KLHL20: variants seen among roughly 807,000 people sequenced by gnomAD.
The protein encoded by KLHL20 is kelch like family member 20.
Under a neutral mutation model 69.5 loss-of-function variants are expected in KLHL20, and 29 were observed. That is an observed-to-expected ratio of 0.42 (90% CI 0.31 to 0.57). The LOEUF (loss-of-function observed/expected upper bound fraction) is 0.57, where lower values mean the gene tolerates loss of function less well. Ranked by LOEUF, KLHL20 falls within the 20% of genes least tolerant of loss-of-function variation. The pLI is 0.18. For synonymous variants in KLHL20, 253 were observed against 265.2 expected (o/e 0.95, Z 0.45); for missense variants, 419 against 776.0 (o/e 0.54, Z 5.47).
chr1:173,784,557 G>A (rs1237804909), intron 11 of KLHL20, among the ~76,000 whole-genome samples: 1 of 152,150 alleles, frequency 6.6e-6, no homozygotes, highest in African/African-American at 2.4e-5. Context: ...AATATTTGCA[G>A]TTACATATCC....
intron 8 of KLHL20, among the ~76,000 whole-genome samples, chr1:173,772,584 T>C (rs928779239): frequency 6.6e-6 from 1 of 152,218 alleles, no homozygotes; most frequent in African/African-American, 2.4e-5. Flanking sequence ...AATATTATTA[T>C]ATTGATTAAC....
chr1:173,760,129 C>T (rs1225535629), intron 7 of KLHL20, among the ~76,000 whole-genome samples: 2 of 151,914 alleles, frequency 1.3e-5, no homozygotes, highest in Admixed American at 1.3e-4. Flanking sequence ...ATTCAGAGCT[C>T]AAAGACAAGG....
At chr1:173,782,865 T>A (rs1202435820) in intron 11 of KLHL20, among the ~76,000 whole-genome samples, 1 of 152,176 alleles carries the variant, frequency 6.6e-6, no homozygotes, top group Non-Finnish European at 1.5e-5. Context: ...TAGGTGACTT[T>A]TGCATTTATT....
chr1:173,735,314 C>T (rs984211237), intron 3 of KLHL20, among the ~76,000 whole-genome samples: 4 of 151,998 alleles, frequency 2.6e-5, no homozygotes, highest in Non-Finnish European at 4.4e-5. Context: ...GGCATGGTGG[C>T]GTGCACCCTT....
intron 7 of KLHL20, among the ~76,000 whole-genome samples, chr1:173,765,246 G>C (rs971278204): frequency 1.3e-5 from 2 of 152,206 alleles, no homozygotes; most frequent in Non-Finnish European, 2.9e-5. Context: ...GCTCATGCCT[G>C]TAATCCCAGC....
At chr1:173,718,183 C>T (rs1571840851) in intron 2 of KLHL20, among the ~76,000 whole-genome samples, 1 of 152,054 alleles carries the variant, frequency 6.6e-6, no homozygotes, top group African/African-American at 2.4e-5. Flanking sequence ...CTGCCTAGGC[C>T]TCCCAAAGTG....
At chr1:173,765,852 G>A (rs924269342) in intron 7 of KLHL20, among the ~76,000 whole-genome samples, 28 of 152,030 alleles carry the variant, frequency 1.8e-4, no homozygotes, top group Admixed American at 1.7e-3. Context: ...TTACTGAAAA[G>A]TCTTGAAGGA....
At chr1:173,732,533 A>G (rs909302321) in intron 2 of KLHL20, among the ~76,000 whole-genome samples, 1 of 152,190 alleles carries the variant, frequency 6.6e-6, no homozygotes, top group Non-Finnish European at 1.5e-5. Context: ...GTGTGTGTAC[A>G]TACACACAAT....
chr1:173,739,756 A>G (rs1401980616), intron 3 of KLHL20, among the ~76,000 whole-genome samples: 1 of 147,058 alleles, frequency 6.8e-6, no homozygotes, highest in Non-Finnish European at 1.5e-5. Flanking sequence ...GGTTCAAGCA[A>G]TTGTTCTGCC....
At chr1:173,755,771 G>A in intron 5 of KLHL20, 152 bp from the exon 6 acceptor site, 1 of 576,634 alleles carries the variant, frequency 1.7e-6, no homozygotes. Flanking sequence ...TTGGTTTCAT[G>A]TTTGTGCCAA....
intron 3 of KLHL20, among the ~76,000 whole-genome samples, chr1:173,737,186 C>T (rs1571873037): frequency 6.6e-6 from 1 of 152,200 alleles, no homozygotes; most frequent in Non-Finnish European, 1.5e-5. Flanking sequence ...TGTCTATTTA[C>T]TCTGCTGATT....
intron 2 of KLHL20, among the ~76,000 whole-genome samples, chr1:173,727,885 A>C (rs139392152): frequency 6.6e-6 from 1 of 152,180 alleles, no homozygotes; most frequent in Admixed American, 6.5e-5. Context: ...GACAGGATCA[A>C]ATCCACACAT....
intron 4 of KLHL20, 86 bp from the exon 5 acceptor site, chr1:173,753,127 C>A: frequency 9.4e-7 from 1 of 1,062,916 alleles, no homozygotes; most frequent in South Asian, 1.4e-5. Context: ...GACCTACGAT[C>A]ATGCCACTGT....
intron 3 of KLHL20, among the ~76,000 whole-genome samples, chr1:173,739,875 A>G (rs1461655508): frequency 6.6e-6 from 1 of 151,780 alleles, no homozygotes; most frequent in East Asian, 2.0e-4. Context: ...TCCTGACCTC[A>G]GGTGATCTGC....
At chr1:173,720,850 G>GAAT (rs1339535073) in intron 2 of KLHL20, among the ~76,000 whole-genome samples, 2 of 152,102 alleles carry the variant, frequency 1.3e-5, no homozygotes, top group Non-Finnish European at 2.9e-5. Context: ...AGTAAGCCAA[G>GAAT]AATAGATTCT....
chr1:173,726,145 A>G (rs1438795769), intron 2 of KLHL20, among the ~76,000 whole-genome samples: 4 of 152,096 alleles, frequency 2.6e-5, no homozygotes, highest in Admixed American at 2.0e-4. Context: ...AGCCTCACTC[A>G]TTGCTAGCAC....
At chr1:173,742,711 T>G (rs1402231323) in intron 3 of KLHL20, among the ~76,000 whole-genome samples, 2 of 151,050 alleles carry the variant, frequency 1.3e-5, no homozygotes, top group African/African-American at 4.8e-5. Flanking sequence ...CATATACATA[T>G]GTACACATGT....
At chr1:173,719,633 T>G (rs1484870733) in intron 2 of KLHL20, among the ~76,000 whole-genome samples, 1 of 151,922 alleles carries the variant, frequency 6.6e-6, no homozygotes, top group African/African-American at 2.4e-5. Flanking sequence ...AAAAAAAGAA[T>G]AAATTCTTAG....
intron 2 of KLHL20, among the ~76,000 whole-genome samples, chr1:173,724,666 A>G (rs1314937007): frequency 6.6e-6 from 1 of 152,146 alleles, no homozygotes; most frequent in Non-Finnish European, 1.5e-5. Flanking sequence ...CAAGCCAGGC[A>G]TGGTGACTCA....
Sources: gnomAD v4.1 joint callset for allele counts (sites outside exome capture counted in the v4.1 genomes callset) on GRCh38, gnomAD v4.1.1 for gene constraint, MANE v1.5 for transcripts, NCBI Gene and HGNC (gene_info 2026-07-23, HGNC 2026-07-21) for gene names.